Variants in RANBP2 observed in about 807,000 individuals in gnomAD.
The protein encoded by RANBP2 is E3 SUMO-protein ligase RanBP2.
A neutral mutation model predicts 303.6 loss-of-function variants in RANBP2; 57 were observed. That is an observed-to-expected ratio of 0.19 (90% CI 0.15 to 0.23). The LOEUF (loss-of-function observed/expected upper bound fraction) is 0.23, where lower values mean the gene tolerates loss of function less well. Among genes scored for constraint, RANBP2 ranks in the 10% least tolerant of loss-of-function variants. RANBP2 has a pLI of 1.00. For synonymous variants in RANBP2, 1,167 were observed against 1,301.5 expected (o/e 0.90, Z 2.23); for missense variants, 3,138 against 3,780.8 (o/e 0.83, Z 4.46).
the RANBP2 span, among the ~76,000 whole-genome samples, chr2:109,557,269 T>G: frequency 6.6e-6 from 1 of 152,168 alleles, no homozygotes; most frequent in Admixed American, 6.5e-5. Context: ...AGCACTTGAG[T>G]TGTTCACAAG....
the RANBP2 span, among the ~76,000 whole-genome samples, chr2:109,595,731 C>T: frequency 2.6e-5 from 4 of 152,160 alleles, no homozygotes; most frequent in African/African-American, 9.7e-5. Context: ...AAGGAAAAAA[C>T]GAACAGATTA....
the RANBP2 span, among the ~76,000 whole-genome samples, chr2:109,198,577 A>G: frequency 6.6e-6 from 1 of 152,178 alleles, no homozygotes. Flanking sequence ...GGAGGTGGGA[A>G]GTTCAAGGTC....
At chr2:108,796,783 A>G in the RANBP2 span, among the ~76,000 whole-genome samples, 1 of 152,174 alleles carries the variant, frequency 6.6e-6, no homozygotes, top group South Asian at 2.1e-4. Context: ...TGGGTCTCAT[A>G]GAAATAGAGA....
chr2:109,405,493 C>T, the RANBP2 span, among the ~76,000 whole-genome samples: 1 of 152,230 alleles, frequency 6.6e-6, no homozygotes, highest in East Asian at 1.9e-4. Flanking sequence ...AGATCTTCTC[C>T]CTGCGCACCA....
At chr2:109,650,209 G>A in the RANBP2 span, among the ~76,000 whole-genome samples, 1 of 152,208 alleles carries the variant, frequency 6.6e-6, no homozygotes, top group Admixed American at 6.5e-5. Flanking sequence ...CATGAATCGG[G>A]TTTGGAGAAT....
chr2:109,398,397 TTG>T, the RANBP2 span, among the ~76,000 whole-genome samples: 1 of 152,214 alleles, frequency 6.6e-6, no homozygotes. Flanking sequence ...CCTGGGGTTT[TTG>T]AGCTGCTCCA....
the RANBP2 span, among the ~76,000 whole-genome samples, chr2:108,902,376 A>AAAAAC: frequency 1.4e-4 from 21 of 152,266 alleles, no homozygotes; most frequent in East Asian, 9.7e-4. Flanking sequence ...ACTCCATCTC[A>AAAAAC]AAAACAAAAC....
chr2:109,466,035 G>A, the RANBP2 span, among the ~76,000 whole-genome samples: 2 of 146,456 alleles, frequency 1.4e-5, no homozygotes, highest in African/African-American at 5.0e-5. Flanking sequence ...ATATAATGCT[G>A]AGCATCTTTT....
At chr2:109,706,458 C>T in the RANBP2 span, among the ~76,000 whole-genome samples, 19 of 152,298 alleles carry the variant, frequency 1.2e-4, no homozygotes, top group African/African-American at 3.6e-4. Context: ...TATGTGGCTA[C>T]GTCCTTACCT....
chr2:109,489,946 C>T, the RANBP2 span, among the ~76,000 whole-genome samples: 1 of 152,178 alleles, frequency 6.6e-6, no homozygotes, highest in Non-Finnish European at 1.5e-5. Flanking sequence ...CCATGTTGGC[C>T]AGGCTGGTCT....
the RANBP2 span, among the ~76,000 whole-genome samples, chr2:108,864,966 T>A: frequency 6.6e-6 from 1 of 151,836 alleles, no homozygotes. Flanking sequence ...TTTAAGAAAA[T>A]AAATAAATAG....
the RANBP2 span, among the ~76,000 whole-genome samples, chr2:109,519,770 C>T: frequency 7.2e-5 from 11 of 152,292 alleles, no homozygotes; most frequent in African/African-American, 1.7e-4. Context: ...CATGTGAGGG[C>T]GTTGCTTTCT....
At chr2:109,318,748 G>A in the RANBP2 span, among the ~76,000 whole-genome samples, 2 of 152,120 alleles carry the variant, frequency 1.3e-5, no homozygotes, top group Non-Finnish European at 2.9e-5. Context: ...GACCCTTCTG[G>A]TCTCATCCAA....
the RANBP2 span, among the ~76,000 whole-genome samples, chr2:108,954,359 C>T: frequency 1.3e-5 from 2 of 152,290 alleles, no homozygotes; most frequent in Non-Finnish European, 1.5e-5. Flanking sequence ...ATTTGAATAG[C>T]TCATTACTTA....
At chr2:109,375,758 A>G in the RANBP2 span, among the ~76,000 whole-genome samples, 1 of 152,340 alleles carries the variant, frequency 6.6e-6, no homozygotes, top group Non-Finnish European at 1.5e-5. Context: ...CTTTCTGCAC[A>G]GGGTCCAAGT....
At chr2:108,743,104 T>C (rs2149176828) in intron 7 of RANBP2, among the ~76,000 whole-genome samples, 1 of 152,270 alleles carries the variant, frequency 6.6e-6, no homozygotes, top group South Asian at 2.1e-4. Flanking sequence ...TTCTTATTTT[T>C]AATGGAAACT....
the RANBP2 span, among the ~76,000 whole-genome samples, chr2:108,889,102 A>C: frequency 1.8e-4 from 28 of 151,886 alleles, no homozygotes; most frequent in Admixed American, 1.7e-3. Flanking sequence ...GTTTTTGTAT[A>C]GTTTCCAAAG....
At chr2:108,875,963 T>G in the RANBP2 span, 10 of 595,832 alleles carry the variant, frequency 1.7e-5, no homozygotes, top group Non-Finnish European at 2.8e-5. Context: ...AGTTGCCTAT[T>G]TTCTCCACTG....
chr2:109,291,348 G>C, the RANBP2 span, among the ~76,000 whole-genome samples: 5 of 149,034 alleles, frequency 3.4e-5, no homozygotes, highest in East Asian at 2.0e-4. Flanking sequence ...ACATGCAGCT[G>C]CCTCTATTGC....
Sources: allele counts gnomAD v4.1 joint callset (sites outside exome capture counted in the v4.1 genomes callset), GRCh38; gene constraint gnomAD v4.1.1; transcripts MANE v1.5; gene names NCBI Gene and HGNC (gene_info 2026-07-23, HGNC 2026-07-21).